Variants in HS6ST2 observed in about 807,000 individuals in gnomAD.
HS6ST2 encodes heparan-sulfate 6-O-sulfotransferase 2.
In HS6ST2, 17 loss-of-function variants were observed where a neutral mutation model predicts 33.0. The observed-to-expected ratio is 0.52, with a 90% CI of 0.35 to 0.77. The LOEUF is 0.77. Among genes scored for constraint, HS6ST2 ranks in the 30% least tolerant of loss-of-function variants. The pLI is 0.01. For missense variants in HS6ST2, 519 were observed against 551.7 expected (o/e 0.94, Z 0.59); for synonymous variants, 248 against 237.1 (o/e 1.05, Z -0.42).
At chrX:132,818,004 T>G (rs1243077043) in intron 2 of HS6ST2, among the ~76,000 whole-genome samples, 4 of 111,825 alleles carry the variant, frequency 3.6e-5, no homozygotes, top group African/African-American at 9.8e-5. Flanking sequence ...AAGAAGTTGA[T>G]GAAAACTCTG....
chrX:132,668,008 A>G (rs1030602351), intron 4 of HS6ST2, among the ~76,000 whole-genome samples: 1 of 111,855 alleles, frequency 8.9e-6, no homozygotes. Context: ...ATTTTGCAAG[A>G]TAACCCGCAT....
intron 2 of HS6ST2, among the ~76,000 whole-genome samples, chrX:132,859,219 C>T (rs1355699792): frequency 9.0e-6 from 1 of 111,702 alleles, no homozygotes; most frequent in Non-Finnish European, 1.9e-5. Context: ...ACCCATGTAG[C>T]TATCTCCTTC....
chrX:132,746,442 G>T (rs913848075), intron 2 of HS6ST2, among the ~76,000 whole-genome samples: 4 of 111,372 alleles, frequency 3.6e-5, no homozygotes, highest in African/African-American at 1.3e-4. Flanking sequence ...GGCAGAGCTT[G>T]CAGTGAGCCA....
chrX:132,918,711 C>T (rs1049203298), intron 2 of HS6ST2, among the ~76,000 whole-genome samples: 2 of 111,259 alleles, frequency 1.8e-5, no homozygotes, highest in Admixed American at 1.9e-4. Context: ...GGAAAAAGCC[C>T]CACAGCCTAC....
intron 2 of HS6ST2, 80 bp from the exon 3 acceptor site, chrX:132,708,574 G>T: frequency 1.2e-6 from 1 of 867,945 alleles, no homozygotes; most frequent in Non-Finnish European, 1.6e-6. Flanking sequence ...TTTCCATTGT[G>T]CTTTAAGAGC....
At chrX:132,659,256 T>C (rs778027253) in intron 4 of HS6ST2, among the ~76,000 whole-genome samples, 3 of 112,387 alleles carry the variant, frequency 2.7e-5, no homozygotes, top group African/African-American at 9.7e-5. Context: ...TATAGTTCAG[T>C]CATCAGTGAG....
chrX:132,886,426 TAAAC>T (rs2066253290), intron 2 of HS6ST2, among the ~76,000 whole-genome samples: 1 of 111,213 alleles, frequency 9.0e-6, no homozygotes, highest in South Asian at 3.7e-4. Flanking sequence ...TGAATAAAAA[TAAAC>T]AGCCTCAGAG....
intron 2 of HS6ST2, among the ~76,000 whole-genome samples, chrX:132,877,475 C>T (rs187452384): frequency 9.0e-5 from 10 of 111,476 alleles, no homozygotes; most frequent in African/African-American, 2.6e-4. Flanking sequence ...ACTCAGAAAA[C>T]TGAAGTAACT....
chrX:132,794,192 C>T (rs2065148868), intron 2 of HS6ST2, among the ~76,000 whole-genome samples: 2 of 111,877 alleles, frequency 1.8e-5, no homozygotes, highest in East Asian at 2.8e-4. Flanking sequence ...AAATGTAGCG[C>T]TTGGACTTAG....
At chrX:132,700,664 A>T (rs897021054) in intron 3 of HS6ST2, among the ~76,000 whole-genome samples, 39 of 109,891 alleles carry the variant, frequency 3.5e-4, no homozygotes, top group African/African-American at 1.2e-3. Context: ...GAAGGCCACA[A>T]ATATGCCTGG....
chrX:132,915,140 T>C (rs2066571457), intron 2 of HS6ST2, among the ~76,000 whole-genome samples: 2 of 111,952 alleles, frequency 1.8e-5, no homozygotes, highest in Non-Finnish European at 3.8e-5. Flanking sequence ...GGTTTGGCAC[T>C]CTCACTAGCA....
chrX:132,672,815 T>C (rs1340343181), intron 3 of HS6ST2, among the ~76,000 whole-genome samples: 1 of 112,462 alleles, frequency 8.9e-6, no homozygotes, highest in Non-Finnish European at 1.9e-5. Flanking sequence ...TGTTTCTGAT[T>C]GAATGATTTG....
upstream of HS6ST2, chrX:132,961,130 C>CG (rs752068188): frequency 2.4e-4 from 20 of 82,796 alleles, no homozygotes; most frequent in Non-Finnish European, 4.7e-4. Flanking sequence ...GGGTAGGAGG[C>CG]AAAAAAAAAA....
intron 2 of HS6ST2, among the ~76,000 whole-genome samples, chrX:132,938,310 C>T (rs1353493756): frequency 6.4e-5 from 7 of 109,417 alleles, no homozygotes; most frequent in African/African-American, 2.3e-4. Context: ...AGAACTTCCT[C>T]AATCTGATAA....
chrX:132,940,445 T>G (rs2066874314), intron 2 of HS6ST2, among the ~76,000 whole-genome samples: 1 of 111,956 alleles, frequency 8.9e-6, no homozygotes, highest in African/African-American at 3.3e-5. Context: ...CACCAAAATT[T>G]AAAACTTTCC....
chrX:132,931,975 A>C (rs2066773165), intron 2 of HS6ST2, among the ~76,000 whole-genome samples: 1 of 109,302 alleles, frequency 9.1e-6, no homozygotes, highest in Non-Finnish European at 1.9e-5. Flanking sequence ...TCACAAGGTC[A>C]GGAGATCGAG....
intron 2 of HS6ST2, among the ~76,000 whole-genome samples, chrX:132,799,439 A>G (rs1352005655): frequency 2.8e-5 from 3 of 108,999 alleles, no homozygotes; most frequent in Non-Finnish European, 5.7e-5. Flanking sequence ...CAGTGGTACA[A>G]TCACTGCTCA....
At chrX:132,956,660 C>T in intron 2 of HS6ST2, 148 bp downstream of exon 2, 1 of 613,772 alleles carries the variant, frequency 1.6e-6, no homozygotes, top group Non-Finnish European at 2.3e-6. Context: ...GGCGAACGTG[C>T]GCTACTGGGC....
chrX:132,832,119 C>T (rs984816918), intron 2 of HS6ST2, among the ~76,000 whole-genome samples: 2 of 111,520 alleles, frequency 1.8e-5, no homozygotes, highest in African/African-American at 6.5e-5. Flanking sequence ...ATGACGTTCA[C>T]TTGCAAAAGT....
Sources: gnomAD v4.1 joint callset for allele counts (sites outside exome capture counted in the v4.1 genomes callset) on GRCh38, gnomAD v4.1.1 for gene constraint, MANE v1.5 for transcripts, NCBI Gene and HGNC (gene_info 2026-07-23, HGNC 2026-07-21) for gene names.